Variants in IQGAP2 observed in about 807,000 individuals in gnomAD.
The protein encoded by IQGAP2 is ras GTPase-activating-like protein IQGAP2.
Under a neutral mutation model 201.3 loss-of-function variants are expected in IQGAP2, and 173 were observed. That is an observed-to-expected ratio of 0.86 (90% CI 0.76 to 0.98). IQGAP2 has a LOEUF of 0.98. Ranked by LOEUF, IQGAP2 falls within the 50% of genes least tolerant of loss-of-function variation. The probability of loss-of-function intolerance (pLI) is 0.00; values close to 1 mark genes in which losing one functional copy is unlikely to be tolerated. For missense variants in IQGAP2, 1,687 were observed against 1,864.8 expected, an observed-to-expected ratio of 0.90 and a Z score of 1.76; for synonymous variants, 675 against 673.9, an observed-to-expected ratio of 1.00 and a Z score of -0.03.
intron 13 of IQGAP2, 123 bp from the exon 14 acceptor site, chr5:76,627,287 C>A: frequency 1.3e-6 from 1 of 741,894 alleles, no homozygotes; most frequent in Non-Finnish European, 2.4e-6. Context: ...TATGGCAGAG[C>A]TGGATAGTTG....
rs371451005 is a variant in IQGAP2 at position 76,433,864 on chromosome 5, C to T, written c.47-27706C>T. On this transcript the variant is annotated intron_variant, in intron 1 of 35. Transcript: ENST00000274364. ...GTCACATCCAAGGAATTCTCATAGT[C>T]ATCTTTACATTGAGAAGAAACCCTA... Among the ~76,000 whole-genome samples, 4 of 152,282 alleles carry T rather than the reference C, an allele frequency of 2.6e-5. No homozygotes were observed. In the East Asian group the frequency reaches 7.7e-4, roughly 29 times the overall value.
chr5:76,468,218 G>A (rs755495538), intron 2 of IQGAP2, among the ~76,000 whole-genome samples: 7 of 152,128 alleles, frequency 4.6e-5, no homozygotes, highest in Non-Finnish European at 1.0e-4. Context: ...CAGATACATT[G>A]CATATAGAAG....
At chr5:76,426,107 C>G (rs147740324) in intron 1 of IQGAP2, among the ~76,000 whole-genome samples, 1 of 152,198 alleles carries the variant, frequency 6.6e-6, no homozygotes, top group African/African-American at 2.4e-5. Context: ...TTGCGGTCAG[C>G]TGGCACATCA....
intron 2 of IQGAP2, among the ~76,000 whole-genome samples, chr5:76,472,099 C>T (rs1205673566): frequency 6.6e-6 from 1 of 152,190 alleles, no homozygotes; most frequent in Non-Finnish European, 1.5e-5. Context: ...CAGGGACCCC[C>T]TCGCAAGTCT....
chr5:76,555,007 A>G (rs1273399984), intron 2 of IQGAP2, among the ~76,000 whole-genome samples: 1 of 152,224 alleles, frequency 6.6e-6, no homozygotes, highest in African/African-American at 2.4e-5. Context: ...ACATCTTACA[A>G]CATAGATGAA....
At chr5:76,486,772 AGTTTT>A (rs757249865) in intron 2 of IQGAP2, among the ~76,000 whole-genome samples, 8 of 152,040 alleles carry the variant, frequency 5.3e-5, no homozygotes, top group South Asian at 4.2e-4. Flanking sequence ...ACTTCTTCAG[AGTTTT>A]GTTTTGTTTT....
chr5:76,565,943 A>C (rs1744717389), intron 3 of IQGAP2, among the ~76,000 whole-genome samples: 1 of 152,116 alleles, frequency 6.6e-6, no homozygotes, highest in African/African-American at 2.4e-5. Flanking sequence ...CTCTTAATAA[A>C]TCACCTGCAG....
intron 2 of IQGAP2, among the ~76,000 whole-genome samples, chr5:76,515,117 A>C (rs1395429515): frequency 6.6e-6 from 1 of 152,210 alleles, no homozygotes; most frequent in Non-Finnish European, 1.5e-5. Flanking sequence ...GATTGGTATT[A>C]ATATGTTTTA....
At chr5:76,536,756 G>A (rs1280981221) in intron 2 of IQGAP2, among the ~76,000 whole-genome samples, 10 of 145,308 alleles carry the variant, frequency 6.9e-5, no homozygotes, top group East Asian at 2.0e-4. Flanking sequence ...GTGAAACTCC[G>A]TCTCCAAAAA....
chr5:76,644,417 AGCTTCCCAAGTAGCTGGGATTACTG>A (rs1242984993), intron 17 of IQGAP2, among the ~76,000 whole-genome samples: 1 of 149,558 alleles, frequency 6.7e-6, no homozygotes, highest in Non-Finnish European at 1.5e-5. Context: ...CTCATGCCTC[AGCTTCCCAAGTAGCTGGGATTACTG>A]GCATGCGCCA....
intron 35 of IQGAP2, among the ~76,000 whole-genome samples, chr5:76,706,942 T>A (rs1017308793): frequency 6.6e-6 from 1 of 152,222 alleles, no homozygotes; most frequent in Non-Finnish European, 1.5e-5. Context: ...CAGATGATTC[T>A]GATGTACACT....
At chr5:76,422,422 A>T (rs1196140768) in intron 1 of IQGAP2, among the ~76,000 whole-genome samples, 2 of 151,968 alleles carry the variant, frequency 1.3e-5, no homozygotes, top group African/African-American at 4.8e-5. Context: ...TCATTCTTCC[A>T]CTCCTTCATT....
In IQGAP2 at chr5:76,513,278, T is replaced by A. The variant is rs576092979; in HGVS notation, c.147-49118T>A. ...AGCACTCCTTTGAGGAACATGGCAT[T>A]TTCCCCAAAATACATTTTTAAGAAC... On this transcript the variant is annotated intron_variant, in intron 2 of 35. Transcript: ENST00000274364. Among the ~76,000 whole-genome samples, 52 of 152,290 alleles carry A rather than the reference T, an allele frequency of 3.4e-4. No individual in the cohort carries two copies. The South Asian group carries it at 5.2e-3, about 15-fold the overall frequency.
intron 1 of IQGAP2, among the ~76,000 whole-genome samples, chr5:76,405,519 A>G (rs55995866): frequency 0.43 from 65,455 of 152,158 alleles, 15,001 homozygotes; most frequent in Non-Finnish European, 0.5. Flanking sequence ...ACCCTGAAAT[A>G]TTAAGGCTTT....
intron 13 of IQGAP2, among the ~76,000 whole-genome samples, chr5:76,612,732 A>G (rs1006317920): frequency 1.4e-4 from 22 of 152,026 alleles, no homozygotes; most frequent in African/African-American, 4.8e-4. Flanking sequence ...TGGAATATAG[A>G]TAGGCTTGTG....
chr5:76,638,722 A>T (rs894914622), intron 16 of IQGAP2, among the ~76,000 whole-genome samples: 1 of 152,214 alleles, frequency 6.6e-6, no homozygotes, highest in Admixed American at 6.5e-5. Context: ...ACAATAGATT[A>T]TTTGCATAAT....
At chr5:76,452,827 A>T (rs188299948) in intron 1 of IQGAP2, among the ~76,000 whole-genome samples, 55 of 152,194 alleles carry the variant, frequency 3.6e-4, no homozygotes, top group African/African-American at 1.3e-3. Flanking sequence ...ATGATCTTAG[A>T]ATTACCAAAG....
chr5:76,578,386 C>G (rs1463255532), intron 5 of IQGAP2, among the ~76,000 whole-genome samples: 2 of 151,946 alleles, frequency 1.3e-5, no homozygotes, highest in Non-Finnish European at 2.9e-5. Flanking sequence ...AATCTCAGCT[C>G]ACTGCAACCT....
chr5:76,678,970 T>C (rs1745061673), intron 28 of IQGAP2, among the ~76,000 whole-genome samples: 1 of 152,206 alleles, frequency 6.6e-6, no homozygotes, highest in African/African-American at 2.4e-5. Flanking sequence ...AGGCTATCCT[T>C]CTTTTCTCTA....
Sources: allele counts gnomAD v4.1 joint callset (sites outside exome capture counted in the v4.1 genomes callset), GRCh38; gene constraint gnomAD v4.1.1; transcripts MANE v1.5; gene names NCBI Gene and HGNC (gene_info 2026-07-23, HGNC 2026-07-21).